FLOT2: variants seen among roughly 807,000 people sequenced by gnomAD.
The protein encoded by FLOT2 is flotillin-2.
A neutral mutation model predicts 54.9 loss-of-function variants in FLOT2; 35 were observed. That is an observed-to-expected ratio of 0.64 (90% CI 0.49 to 0.84). The LOEUF (loss-of-function observed/expected upper bound fraction) is 0.84, where lower values mean the gene tolerates loss of function less well. Among genes scored for constraint, FLOT2 ranks in the 40% least tolerant of loss-of-function variants. The probability of loss-of-function intolerance (pLI) is 0.00; values close to 1 mark genes in which losing one functional copy is unlikely to be tolerated. For synonymous variants in FLOT2, 207 were observed against 228.9 expected (o/e 0.90, Z 0.86); for missense variants, 464 against 572.1 (o/e 0.81, Z 1.93).
At chr17:28,895,637 C>T (rs73986764) in intron 1 of FLOT2, among the ~76,000 whole-genome samples, 2,706 of 152,088 alleles carry the variant, frequency 0.018, 80 homozygotes, top group African/African-American at 0.061. Context: ...TGAATTGTTG[C>T]CAACATTCAT....
At chr17:28,896,965 C>T (rs528569511) in intron 1 of FLOT2, among the ~76,000 whole-genome samples, 1 of 152,260 alleles carries the variant, frequency 6.6e-6, no homozygotes, top group Admixed American at 6.5e-5. Context: ...TGCCCAGAAC[C>T]GGGTTTCCCA....
chr17:28,890,859 C>CTTT lies in FLOT2; in HGVS notation c.50-1834_50-1833insAAA, dbSNP rs397836967. Among the ~76,000 whole-genome samples the CTTT allele has an allele frequency of 5.6e-5, 2 of 35,776 alleles. 1 individual carries two copies. 23.5% of individuals were successfully genotyped at this position (35,776 alleles called of 152,430 possible). ...GAAAAACCAGAGAGTGTTATCATTTCTTCTTTTTTTTTTTTTTTTTGAGAC... is the reference window on the plus strand; with the variant it reads ...GAAAAACCAGAGAGTGTTATCATTTCTTTTTCTTTTTTTTTTTTTTTTTGAGAC... On this transcript the variant is annotated intron_variant, in intron 1 of 10. Transcript: ENST00000394908.
chr17:28,886,059 G>C lies in FLOT2; in HGVS notation c.132-1744C>G, dbSNP rs559421881. Reference sequence around the variant, plus strand: ...GCACCGATGCCTGACGCCTGGGGGCGGGGGGGGGCATGCTGTCAGTAATCC... The same window carrying C: ...GCACCGATGCCTGACGCCTGGGGGCCGGGGGGGGCATGCTGTCAGTAATCC... On this transcript the variant is annotated intron_variant, in intron 2 of 10. Transcript: ENST00000394908. 7.2e-5 allele frequency: 36 copies of C among 502,636 alleles called. No homozygotes were observed. The African/African-American group carries it at 9.3e-4, about 13-fold the overall frequency. The allele number at this position is 502,636 out of a possible 1,614,324, so 31.1% of individuals were successfully genotyped here. A position where few individuals can be genotyped will look rare whatever the true frequency, so the allele number is the denominator to read the frequency against.
At chr17:28,880,950 AC>A (rs1406137908) in intron 9 of FLOT2, 88 bp from the exon 10 acceptor site, 2 of 1,515,008 alleles carry the variant, frequency 1.3e-6, no homozygotes, top group African/African-American at 1.4e-5. Context: ...TCCTTAACTC[AC>A]TCCAACCCCA....
intron 2 of FLOT2, 77 bp downstream of exon 2, chr17:28,888,868 G>T: frequency 9.3e-7 from 1 of 1,072,390 alleles, no homozygotes; most frequent in Non-Finnish European, 1.4e-6. Flanking sequence ...GACCCTCAGA[G>T]TGAAGCAGAA....
At chr17:28,888,203 G>A (rs2039581159) in intron 2 of FLOT2, among the ~76,000 whole-genome samples, 1 of 152,226 alleles carries the variant, frequency 6.6e-6, no homozygotes, top group Non-Finnish European at 1.5e-5. Flanking sequence ...GGGGGCGATC[G>A]TGGAAAGGTA....
chr17:28,881,944 C>G lies in FLOT2; in HGVS notation c.784G>C (p.Val262Leu), dbSNP rs1197326185. 1 of 1,614,104 alleles carries G rather than the reference C, an allele frequency of 6.2e-7. No individual in the cohort carries two copies. The highest frequency in any genetic ancestry group is 1.1e-5 in the South Asian group (1 of 91,088). The change falls in exon 8 of 11, where the codon GTG becomes CTG. Residue 262 changes from valine (V) to leucine (L), a missense_variant. Val to Leu is a conservative substitution (Grantham distance 32, BLOSUM62 1). Coordinates refer to ENST00000394908, the MANE Select transcript of FLOT2 (RefSeq NM_004475.3). Reference protein sequence around the residue: ...IRQEEIEIEVVQRKKQIAVEA... With the variant: ...IRQEEIEIEVLQRKKQIAVEA... ...ACGGCAATCTGTTTCTTGCGCTGCA[C>G]AACCTCAATCTCAATCTCTTCCTGC... is the stretch of plus-strand genomic sequence containing the variant.
chr17:28,886,039 GATGCCTGACGCCTGGGGGC>G, intron 2 of FLOT2: 1 of 596,532 alleles, frequency 1.7e-6, no homozygotes, highest in Non-Finnish European at 3.0e-6. Context: ...GACAAGCACC[GATGCCTGACGCCTGGGGGC>G]GGGGGGGGGC....
chr17:28,896,512 A>G (rs2039743145), intron 1 of FLOT2, among the ~76,000 whole-genome samples: 1 of 152,170 alleles, frequency 6.6e-6, no homozygotes, highest in Non-Finnish European at 1.5e-5. Context: ...GGGATGTCCC[A>G]GTGGAGAGAT....
chr17:28,880,988 G>A (rs921963287), intron 9 of FLOT2, 126 bp from the exon 10 acceptor site: 9 of 1,288,592 alleles, frequency 7.0e-6, no homozygotes, highest in Admixed American at 5.4e-5. Flanking sequence ...CCTTAGTCTC[G>A]AGCCATGGTA....
intron 2 of FLOT2, among the ~76,000 whole-genome samples, chr17:28,886,177 A>T (rs548928977): frequency 6.6e-6 from 1 of 152,176 alleles, no homozygotes; most frequent in African/African-American, 2.4e-5. Flanking sequence ...CTAGCCCCCA[A>T]ACCCTTTTAG....
chr17:28,888,905 G>T, intron 2 of FLOT2, 40 bp downstream of exon 2: 2 of 1,530,180 alleles, frequency 1.3e-6, no homozygotes, highest in Non-Finnish European at 1.8e-6. Flanking sequence ...TCTCTCCCTG[G>T]CCCACTCCAT....
intron 1 of FLOT2, 54 bp from the exon 2 acceptor site, chr17:28,889,080 C>T (rs568660856): frequency 4.3e-5 from 64 of 1,471,460 alleles, no homozygotes; most frequent in Non-Finnish European, 5.7e-5. Flanking sequence ...TCTGTCTACC[C>T]TCCAGCCCAC....
At position 28,882,613 on chromosome 17, in the gene FLOT2, A is replaced by T. The variant is rs760556311; in HGVS notation, c.425T>A (p.Val142Asp). 7.4e-6 allele frequency: 12 copies of T among 1,613,552 alleles called. No individual in the cohort carries two copies. Among genetic ancestry groups the T allele is most frequent in the Non-Finnish European group, 1.0e-5 (12 of 1,179,762 alleles). ...GAGGATCTCAATGCCCATGCGGCCA[A>T]CATCAGGGGCTGCCACCTCCCGCAC... ...KLVREVAAPD[V>D]GRMGIEILSF... The change falls in exon 5 of 11, where the codon GTT (valine) becomes GAT (aspartate). Residue 142 changes from valine (V) to aspartate (D), a missense_variant. Coordinates refer to ENST00000394908, the MANE Select transcript of FLOT2 (RefSeq NM_004475.3). This position sits in a 1 kb window ranked among gnomAD's most constrained non-coding sequence, Gnocchi z 5.6.
chr17:28,894,347 G>A (rs1211417583), intron 1 of FLOT2, among the ~76,000 whole-genome samples: 18 of 152,082 alleles, frequency 1.2e-4, no homozygotes, highest in Admixed American at 1.2e-3. Flanking sequence ...TTAGCAGCCA[G>A]GCATGGTGGC....
intron 2 of FLOT2, chr17:28,885,798 C>A: frequency 8.5e-7 from 1 of 1,176,696 alleles, no homozygotes; most frequent in South Asian, 1.3e-5. Flanking sequence ...GTCTGCCAGG[C>A]CCCGCAGGGC....
intron 2 of FLOT2, among the ~76,000 whole-genome samples, 200 bp downstream of exon 2, chr17:28,888,745 T>G (rs898005996): frequency 3.9e-5 from 6 of 152,198 alleles, no homozygotes; most frequent in Admixed American, 6.5e-5. Flanking sequence ...ACCTTCCTGA[T>G]GCATGTCTCC....
At chr17:28,881,566 G>A (rs1230254405) in intron 8 of FLOT2, among the ~76,000 whole-genome samples, 191 bp from the exon 9 acceptor site, 1 of 152,248 alleles carries the variant, frequency 6.6e-6, no homozygotes, top group Non-Finnish European at 1.5e-5. Flanking sequence ...CTGTAAGTGG[G>A]AGGGGACAAA....
At chr17:28,886,047 A>C in intron 2 of FLOT2, 142 of 477,742 alleles carry the variant, frequency 3.0e-4, no homozygotes, top group Non-Finnish European at 3.7e-4. Flanking sequence ...CCGATGCCTG[A>C]CGCCTGGGGG....
Sources: allele counts gnomAD v4.1 joint callset (sites outside exome capture counted in the v4.1 genomes callset), GRCh38; gene constraint gnomAD v4.1.1; non-coding constraint Gnocchi (gnomAD v3.1); transcripts MANE v1.5; gene names NCBI Gene and HGNC (gene_info 2026-07-23, HGNC 2026-07-21).